The following RUNDC1 variants were observed in gnomAD, a reference collection of about 807,000 sequenced individuals.
RUNDC1 encodes the protein RUN domain-containing protein 1.
In RUNDC1, 31 loss-of-function variants were observed where a neutral mutation model predicts 49.3. That is an observed-to-expected ratio of 0.63 (90% confidence interval 0.47 to 0.85). The LOEUF is 0.85. Among genes scored for constraint, RUNDC1 ranks in the 40% least tolerant of loss-of-function variants. The probability of loss-of-function intolerance (pLI) is 0.00; values close to 1 mark genes in which losing one functional copy is unlikely to be tolerated. For missense variants in RUNDC1, 715 were observed against 806.7 expected, an observed-to-expected ratio of 0.89 and a Z score of 1.38; for synonymous variants, 347 against 348.6, an observed-to-expected ratio of 1.00 and a Z score of 0.05.
chr17:42,991,563 A>G lies in RUNDC1; in HGVS notation c.1689A>G (p.Ser563=), dbSNP rs772125890. 2 of 1,613,900 alleles carry G rather than the reference A, an allele frequency of 1.2e-6. No individual in the cohort carries two copies. Among genetic ancestry groups the G allele is most frequent in the Non-Finnish European group, 8.5e-7 (1 of 1,179,996 alleles). ...SWVNLICKSG[S]LIEPHYQPWS... ...TGAACCTCATCTGCAAGTCCGGGTC[A>G]CTCATCGAGCCTCACTACCAGCCCT... Residue 563 remains serine (S), a synonymous_variant, in exon 5 of 5, where the codon TCA becomes TCG. Coordinates refer to ENST00000361677, the MANE Select transcript of RUNDC1 (RefSeq NM_173079.5).
At position 42,991,225 on chromosome 17, in the gene RUNDC1, C is replaced by A; in HGVS notation, c.1351C>A (p.Leu451Ile). 6.2e-7 allele frequency: 1 copy of A among 1,614,228 alleles called. No homozygotes were observed. The highest frequency in any genetic ancestry group is 1.3e-5 in the African/African-American group (1 of 75,064). ...GLYASSPGMS[L>I]VMAPIACLLP... ...GTATGCCTCCTCCCCAGGGATGAGC[C>A]TTGTTATGGCTCCTATTGCTTGTTT... The change falls in exon 5 of 5, where the codon CTT (leucine) becomes ATT (isoleucine). Residue 451 changes from leucine to isoleucine, a missense_variant. Around this residue, in one of 5 missense-constraint regions of RUNDC1, gnomAD observed 425 missense variants for 499.7 expected, o/e 0.85. Coordinates refer to ENST00000361677, the MANE Select transcript of RUNDC1 (RefSeq NM_173079.5).
chr17:42,986,559 G>A (rs1254222341), intron 1 of RUNDC1, among the ~76,000 whole-genome samples: 4 of 151,990 alleles, frequency 2.6e-5, no homozygotes, highest in Middle Eastern at 3.4e-3. Context: ...GTGCAGTGGC[G>A]CGATCTCTGC....
At chr17:42,984,442 G>C (rs1390616093) in intron 1 of RUNDC1, among the ~76,000 whole-genome samples, 1 of 151,896 alleles carries the variant, frequency 6.6e-6, no homozygotes, top group African/African-American at 2.4e-5. Flanking sequence ...CACTATCCCC[G>C]GCTAAATTTT....
intron 3 of RUNDC1, 85 bp from the exon 4 acceptor site, chr17:42,990,232 A>G: frequency 6.5e-7 from 1 of 1,534,492 alleles, no homozygotes. Context: ...CTTGTTTCTA[A>G]TAGGCACCAT....
intron 1 of RUNDC1, among the ~76,000 whole-genome samples, chr17:42,986,329 G>A (rs748782506): frequency 6.6e-6 from 1 of 151,916 alleles, no homozygotes; most frequent in African/African-American, 2.4e-5. Context: ...GTTGCCCAGG[G>A]TGGTCTCGAA....
rs188773171 is a variant in RUNDC1, at chr17:42,992,696, C to T, written c.*980C>T. ...AAATTCCTTTTATGAATAGATTTCC[C>T]TTTCTTCCTGACCCCAAGGTCAGAG... On this transcript the variant is annotated 3_prime_UTR_variant, in exon 5 of 5. Coordinates refer to ENST00000361677, the MANE Select transcript of RUNDC1 (RefSeq NM_173079.5). The T allele has an allele frequency of 7.9e-5, 12 of 152,212 alleles. No homozygotes were observed. The highest frequency in any genetic ancestry group is 2.4e-4 in the African/African-American group (10 of 41,544). The allele number at this position is 152,212 out of a possible 1,614,324, so 9.4% of individuals were successfully genotyped here. A position where few individuals can be genotyped will look rare whatever the true frequency, so the allele number is the denominator to read the frequency against.
chr17:42,989,632 TTTG>T, intron 3 of RUNDC1, 93 bp downstream of exon 3: 1 of 1,179,216 alleles, frequency 8.5e-7, no homozygotes, highest in Non-Finnish European at 1.2e-6. Flanking sequence ...ATTCTGGTTT[TTTG>T]TTCTTTTTTG....
At chr17:42,982,410 C>A (rs962601585) in intron 1 of RUNDC1, among the ~76,000 whole-genome samples, 2 of 152,078 alleles carry the variant, frequency 1.3e-5, no homozygotes, top group Non-Finnish European at 2.9e-5. Flanking sequence ...TGAACTGTTT[C>A]CAGTGCAATC....
chr17:42,984,944 G>A (rs2050151772), intron 1 of RUNDC1, among the ~76,000 whole-genome samples: 1 of 142,038 alleles, frequency 7.0e-6, no homozygotes. Flanking sequence ...CACCCAGGCT[G>A]GAGTGCAATG....
intron 3 of RUNDC1, 57 bp downstream of exon 3, chr17:42,989,596 T>G: frequency 6.8e-7 from 1 of 1,462,240 alleles, no homozygotes; most frequent in Non-Finnish European, 9.6e-7. Flanking sequence ...ATTATACTTA[T>G]TCTAAGTACT....
rs1412499469 is a variant in RUNDC1, at chr17:42,993,149, A to G, written c.*1433A>G. ...TGATGGAGGACATCTGGTTATAGGT[A>G]CTGTAGCAGGGATAGGTGCCACAGG... On this transcript the variant is annotated 3_prime_UTR_variant, in exon 5 of 5. Transcript: ENST00000361677. The G allele has an allele frequency of 6.6e-6, 1 of 152,196 alleles. No individual in the cohort carries two copies. Among genetic ancestry groups the G allele is most frequent in the African/African-American group, 2.4e-5 (1 of 41,444 alleles). 9.4% of individuals were successfully genotyped at this position (152,196 alleles called of 1,614,324 possible). A position where few individuals can be genotyped will look rare whatever the true frequency, so the allele number is the denominator to read the frequency against.
intron 2 of RUNDC1, among the ~76,000 whole-genome samples, chr17:42,988,323 G>T (rs1242506986): frequency 6.6e-6 from 1 of 150,884 alleles, no homozygotes; most frequent in Non-Finnish European, 1.5e-5. Context: ...CATGATCTTG[G>T]CTCACTGCAA....
chr17:42,988,311 G>A (rs1280371277), intron 2 of RUNDC1, among the ~76,000 whole-genome samples: 1 of 149,668 alleles, frequency 6.7e-6, no homozygotes, highest in African/African-American at 2.5e-5. Context: ...GGAGTGCAGT[G>A]GCATGATCTT....
intron 1 of RUNDC1, chr17:42,985,602 C>CTTT (rs71157692): frequency 6.8e-4 from 116 of 170,914 alleles, no homozygotes; most frequent in Non-Finnish European, 9.0e-4. Flanking sequence ...TTGTTGTTTT[C>CTTT]TTTTTTTTTT....
Position 42,980,661 on chromosome 17 carries a change from G to A in RUNDC1, c.85G>A (p.Glu29Lys), listed in dbSNP as rs1033529538. ...PKAKDEEEEEEEPLPPCEAVR... is the reference protein window; with the variant it reads ...PKAKDEEEEEKEPLPPCEAVR... Reference sequence around the variant, plus strand: ...GGCGAAAGACGAAGAGGAGGAGGAAGAGGAGCCGCTGCCACCGTGCGAGGC... The same window carrying A: ...GGCGAAAGACGAAGAGGAGGAGGAAAAGGAGCCGCTGCCACCGTGCGAGGC... The change falls in exon 1 of 5, where the codon GAG becomes AAG. Residue 29 changes from glutamate (E) to lysine (K), a missense_variant. Glu to Lys is a moderately conservative substitution (Grantham distance 56). Transcript: ENST00000361677. 4 of 1,591,014 alleles carry A rather than the reference G, an allele frequency of 2.5e-6. No homozygotes were observed. The highest frequency in any genetic ancestry group is 3.4e-6 in the Non-Finnish European group (4 of 1,171,694).
At chr17:42,990,767 G>T in intron 4 of RUNDC1, 84 bp from the exon 5 acceptor site, 1 of 1,486,264 alleles carries the variant, frequency 6.7e-7, no homozygotes, top group Non-Finnish European at 9.0e-7. Flanking sequence ...ATGTGGCTCA[G>T]ACTGATCTCA....
rs2050278684 is a variant in RUNDC1 at position 42,994,049 on chromosome 17, G to C, written c.*2333G>C. 6.6e-6 allele frequency among the ~76,000 whole-genome samples: 1 copy of C among 152,062 alleles called. No individual in the cohort carries two copies. The highest frequency in any genetic ancestry group is 1.5e-5 in the Non-Finnish European group (1 of 68,016). On this transcript the variant is annotated 3_prime_UTR_variant, in exon 5 of 5. Coordinates refer to ENST00000361677, the MANE Select transcript of RUNDC1 (RefSeq NM_173079.5). Reference sequence around the variant, plus strand: ...TAATGTTTGTATTTTTAATAGAGAGGGTTTCACCACATTTGTCAGGCTAGT... The same window carrying C: ...TAATGTTTGTATTTTTAATAGAGAGCGTTTCACCACATTTGTCAGGCTAGT...
chr17:42,991,731 C>G lies in RUNDC1; in HGVS notation c.*15C>G. 1 of 1,598,174 alleles carries G rather than the reference C, an allele frequency of 6.3e-7. No homozygotes were observed. The highest frequency in any genetic ancestry group is 8.5e-7 in the Non-Finnish European group (1 of 1,172,616). Reference sequence around the variant, plus strand: ...ATGCCTTTTGATGAGAGTGCCCTAACCCCAGACAAGCTCCTTGTTCAGTAG... The same window carrying G: ...ATGCCTTTTGATGAGAGTGCCCTAAGCCCAGACAAGCTCCTTGTTCAGTAG... On this transcript the variant is annotated 3_prime_UTR_variant, in exon 5 of 5. Transcript: ENST00000361677.
intron 1 of RUNDC1, 42 bp from the exon 2 acceptor site, chr17:42,987,213 TC>T (rs1350312362): frequency 1.6e-5 from 25 of 1,565,310 alleles, no homozygotes; most frequent in Non-Finnish European, 2.1e-5. Context: ...GCCCTGAGTT[TC>T]CCTTTGCCTG....
Sources: allele counts gnomAD v4.1 joint callset (sites outside exome capture counted in the v4.1 genomes callset), GRCh38; gene constraint gnomAD v4.1.1; regional missense constraint gnomAD v4.1.1; transcripts MANE v1.5; gene names NCBI Gene and HGNC (gene_info 2026-07-23, HGNC 2026-07-21).